ADAM12: variants seen among roughly 807,000 people sequenced by gnomAD.
ADAM12 encodes disintegrin and metalloproteinase domain-containing protein 12.
ADAM12 carries 70 observed loss-of-function variants against 106.4 expected under a neutral mutation model. The ratio of observed to expected loss-of-function variants is 0.66; its 90% CI spans 0.54 to 0.80. The LOEUF is 0.80. Ranked by LOEUF, ADAM12 falls within the 30% of genes least tolerant of loss-of-function variation. The probability of loss-of-function intolerance (pLI) is 0.00; values close to 1 mark genes in which losing one functional copy is unlikely to be tolerated. For synonymous variants in ADAM12, 420 were observed against 433.5 expected, an observed-to-expected ratio of 0.97 and a Z score of 0.39; for missense variants, 1,010 against 1,171.9, an observed-to-expected ratio of 0.86 and a Z score of 2.02.
At chr10:126,240,086 C>T (rs1958493294) in intron 3 of ADAM12, among the ~76,000 whole-genome samples, 1 of 152,192 alleles carries the variant, frequency 6.6e-6, no homozygotes, top group South Asian at 2.1e-4. Flanking sequence ...CTACACTGCC[C>T]ATTGGTGCAC....
intron 1 of ADAM12, among the ~76,000 whole-genome samples, chr10:126,364,031 A>G (rs1223323664): frequency 6.6e-6 from 1 of 152,196 alleles, no homozygotes; most frequent in Non-Finnish European, 1.5e-5. Flanking sequence ...ATTTATATCA[A>G]TAAGTCAATT....
intron 3 of ADAM12, among the ~76,000 whole-genome samples, chr10:126,237,436 A>T (rs894771124): frequency 6.6e-6 from 1 of 152,190 alleles, no homozygotes; most frequent in Non-Finnish European, 1.5e-5. Context: ...ACCTCATTTC[A>T]TCTATGGCAG....
rs917581497 is a variant in ADAM12 at position 126,014,908 on chromosome 10, AC to A, written c.*2370del. 9 of 151,914 alleles carry A rather than the reference AC, an allele frequency of 5.9e-5. No homozygotes were observed. Among genetic ancestry groups the A allele is most frequent in the Non-Finnish European group, 1.2e-4 (8 of 67,968 alleles). 9.4% of individuals were successfully genotyped at this position (151,914 alleles called of 1,614,324 possible). On this transcript the variant is annotated 3_prime_UTR_variant, in exon 23 of 23. Transcript: ENST00000448723. ...TTGAGGATATAAAAAAGAATACTCCACCCCGTGCCTCCCCCAACCACAAAAC... is the reference window on the plus strand; with the variant it reads ...TTGAGGATATAAAAAAGAATACTCCACCCGTGCCTCCCCCAACCACAAAAC...
intron 2 of ADAM12, among the ~76,000 whole-genome samples, chr10:126,326,181 G>A (rs1173554985): frequency 6.6e-6 from 1 of 151,574 alleles, no homozygotes; most frequent in Non-Finnish European, 1.5e-5. Context: ...AGCCTTGGGT[G>A]CTCACTAAAA....
chr10:126,168,244 T>C (rs1160182279), intron 3 of ADAM12, among the ~76,000 whole-genome samples: 1 of 152,164 alleles, frequency 6.6e-6, no homozygotes, highest in Non-Finnish European at 1.5e-5. Flanking sequence ...CTGATACATT[T>C]CTCAGTAATA....
intron 17 of ADAM12, among the ~76,000 whole-genome samples, chr10:126,044,531 G>A (rs1954263675): frequency 1.3e-5 from 2 of 152,154 alleles, no homozygotes; most frequent in African/African-American, 4.8e-5. Flanking sequence ...TCAGGAAGTC[G>A]ATGCACAATG....
intron 6 of ADAM12, among the ~76,000 whole-genome samples, chr10:126,116,208 C>A (rs926387505): frequency 7.2e-5 from 11 of 152,132 alleles, no homozygotes; most frequent in Non-Finnish European, 1.2e-4. Flanking sequence ...CTATATGAAA[C>A]GACAAACATA....
chr10:126,165,778 C>T (rs191822836), intron 3 of ADAM12, among the ~76,000 whole-genome samples: 1 of 152,236 alleles, frequency 6.6e-6, no homozygotes, highest in Admixed American at 6.5e-5. Context: ...GGAAGAGACA[C>T]TTGAAAACGG....
chr10:126,088,756 A>T (rs1207596311), intron 11 of ADAM12, among the ~76,000 whole-genome samples: 1 of 150,808 alleles, frequency 6.6e-6, no homozygotes, highest in Non-Finnish European at 1.5e-5. Flanking sequence ...ACCTGGGTGG[A>T]GGCCACCTAG....
At position 126,388,444 on chromosome 10, in the gene ADAM12, A is replaced by G. The variant is rs183682670; in HGVS notation, c.-299T>C. On this transcript the variant is annotated 5_prime_UTR_variant, in exon 1 of 23. Coordinates refer to ENST00000448723, the MANE Select transcript of ADAM12 (RefSeq NM_001288973.2). The surrounding 1 kb of genome is among the most constrained non-coding windows in gnomAD (Gnocchi z 4.4). ...GTCCGAGTTGGCCCGGGGACTAGGAAGAGCGTTAGTGAGAGAAGGCAGGCC... is the reference window on the plus strand; with the variant it reads ...GTCCGAGTTGGCCCGGGGACTAGGAGGAGCGTTAGTGAGAGAAGGCAGGCC... 726 of 245,962 alleles carry G rather than the reference A, an allele frequency of 3.0e-3. 11 individuals are homozygous for G. The highest frequency in any genetic ancestry group is 0.016 in the African/African-American group (691 of 44,366). 15.2% of individuals were successfully genotyped at this position (245,962 alleles called of 1,614,324 possible).
At chr10:126,133,744 C>T (rs1956351836) in intron 5 of ADAM12, among the ~76,000 whole-genome samples, 1 of 152,180 alleles carries the variant, frequency 6.6e-6, no homozygotes, top group African/African-American at 2.4e-5. Flanking sequence ...CTCTCTACTG[C>T]CTCCCTGTCC....
intron 6 of ADAM12, among the ~76,000 whole-genome samples, chr10:126,111,603 G>A (rs1955869865): frequency 6.6e-6 from 1 of 151,754 alleles, no homozygotes; most frequent in South Asian, 2.1e-4. Flanking sequence ...GCAGAGGGGT[G>A]AAATAAACGA....
In ADAM12 at chr10:126,094,152, G is replaced by A. The variant is rs1565051465; in HGVS notation, c.997-19C>T. 6.2e-7 allele frequency: 1 copy of A among 1,611,502 alleles called. No individual in the cohort carries two copies. Among genetic ancestry groups the A allele is most frequent in the Non-Finnish European group, 8.5e-7 (1 of 1,178,438 alleles). The stretch of plus-strand genomic sequence containing the variant: ...AATGGTCCTCAAAGAAAACACAAAA[G>A]TACAGGTGTATAATTCATATCTCCT... On this transcript the variant is annotated intron_variant, in intron 10 of 22. Transcript: ENST00000448723.
At chr10:126,116,523 G>T (rs921823310) in intron 6 of ADAM12, among the ~76,000 whole-genome samples, 1 of 151,908 alleles carries the variant, frequency 6.6e-6, no homozygotes, top group African/African-American at 2.4e-5. Context: ...GAGGTTGGGG[G>T]GGTAATTTTC....
intron 3 of ADAM12, among the ~76,000 whole-genome samples, chr10:126,199,514 C>T (rs990093751): frequency 2.0e-5 from 3 of 152,174 alleles, no homozygotes; most frequent in African/African-American, 7.2e-5. Context: ...CGCAGAAACG[C>T]TCCCATAAAC....
intron 1 of ADAM12, among the ~76,000 whole-genome samples, chr10:126,337,576 C>G (rs1328136304): frequency 2.0e-5 from 3 of 152,210 alleles, no homozygotes; most frequent in Admixed American, 6.5e-5. Flanking sequence ...TGCTGCCCAT[C>G]CAGCCTGGGA....
At chr10:126,379,062 C>T (rs1445844007) in intron 1 of ADAM12, among the ~76,000 whole-genome samples, 2 of 152,034 alleles carry the variant, frequency 1.3e-5, no homozygotes, top group Non-Finnish European at 2.9e-5. Context: ...GAAAACAAAA[C>T]CAAAATAGGA....
In ADAM12 at chr10:126,081,656, G is replaced by T. The variant is rs1955220180; in HGVS notation, c.1146-10002C>A. ...CCTATCTGTACTTCATTGAGCCTCT[G>T]TTTTCACATCTATAAAATAGGGATA... On this transcript the variant is annotated intron_variant, in intron 11 of 22. Transcript: ENST00000448723. Among the ~76,000 whole-genome samples, 3 of 152,162 alleles carry T rather than the reference G, an allele frequency of 2.0e-5. No individual in the cohort carries two copies. In the South Asian group the frequency reaches 6.2e-4, roughly 31 times the overall value.
chr10:126,296,697 T>G (rs1332855692), intron 2 of ADAM12, among the ~76,000 whole-genome samples: 2 of 152,232 alleles, frequency 1.3e-5, no homozygotes, highest in Non-Finnish European at 2.9e-5. Context: ...TGTTTCCATT[T>G]CTGTACCTTC....
Sources: gnomAD v4.1 joint callset for allele counts (sites outside exome capture counted in the v4.1 genomes callset) on GRCh38, gnomAD v4.1.1 for gene constraint, Gnocchi (gnomAD v3.1) non-coding constraint, MANE v1.5 for transcripts, NCBI Gene and HGNC (gene_info 2026-07-23, HGNC 2026-07-21) for gene names.